Variants in HLA-F observed in about 807,000 individuals in gnomAD.
HLA-F encodes HLA class I histocompatibility antigen, alpha chain F.
HLA-F carries 46 observed loss-of-function variants against 49.5 expected under a neutral mutation model. The observed-to-expected ratio is 0.93, with a 90% CI of 0.73 to 1.19. The LOEUF (loss-of-function observed/expected upper bound fraction) is 1.19. Among genes scored for constraint, HLA-F ranks in the 50% most tolerant of loss-of-function variants. HLA-F has a pLI of 0.00. For synonymous variants in HLA-F, 203 were observed against 233.5 expected (o/e 0.87, Z 1.19); for missense variants, 496 against 579.6 (o/e 0.86, Z 1.48).
At chr6:29,733,906 C>T (rs553402611) in intron 3 of HLA-F, among the ~76,000 whole-genome samples, 61 of 152,318 alleles carry the variant, frequency 4.0e-4, no homozygotes, top group African/African-American at 1.4e-3. Flanking sequence ...ATTACCATCA[C>T]ACCTAAGACA....
At position 29,726,996 on chromosome 6, in the gene HLA-F, C is replaced by T. The variant is rs767849078; in HGVS notation, c.1150C>T (p.Arg384Cys). 8.7e-6 allele frequency: 14 copies of T among 1,613,286 alleles called. No individual in the cohort carries two copies. Among genetic ancestry groups the T allele is most frequent in the South Asian group, 1.1e-5 (1 of 91,084 alleles). ...CCTCCGGAGTCACAGTGTCTTGGGC[C>T]GCCGGAAGGTGGGTGACATGTGGAT... ...GCLRSHSVLG[R>C]RKVGDMWILF... The change falls in exon 7 of 7, where the codon CGC (arginine) becomes TGC (cysteine). Residue 384 changes from arginine (R) to cysteine (C), a missense_variant. Physicochemically the swap from Arg to Cys is radical, Grantham distance 180. Transcript: ENST00000259951.
intron 3 of HLA-F, chr6:29,735,919 C>T (rs1420828908): frequency 1.3e-5 from 2 of 152,270 alleles, no homozygotes; most frequent in Non-Finnish European, 2.9e-5. Flanking sequence ...ATTCTCCATT[C>T]TGCATGGTGA....
chr6:29,727,884 C>G (rs1212022716), downstream of HLA-F: 2 of 497,800 alleles, frequency 4.0e-6, no homozygotes, highest in Non-Finnish European at 8.0e-6. Context: ...CCCCTCCAGA[C>G]CTAGACTCCC....
chr6:29,729,221 T>C (rs1189093818), downstream of HLA-F: 1 of 152,174 alleles, frequency 6.6e-6, no homozygotes, highest in Non-Finnish European at 1.5e-5. Flanking sequence ...ATTTTAAAAT[T>C]TATAATTTTA....
chr6:29,731,264 G>C (rs112642406), downstream of HLA-F, among the ~76,000 whole-genome samples: 2 of 152,008 alleles, frequency 1.3e-5, no homozygotes, highest in Admixed American at 6.6e-5. Context: ...TAGATAGATA[G>C]ATAGATAGAT....
At chr6:29,736,507 C>T (rs764192386) in intron 3 of HLA-F, 113 of 414,380 alleles carry the variant, frequency 2.7e-4, no homozygotes, top group Non-Finnish European at 2.8e-4. Flanking sequence ...TGAAGGACAA[C>T]ATGCATGGAG....
exon 4 of HLA-F, chr6:29,738,151 A>G (rs1049765169): frequency 1.3e-5 from 2 of 152,356 alleles, no homozygotes; most frequent in Non-Finnish European, 2.9e-5. Context: ...TGTCCAGTGA[A>G]GAAACCCAGG....
In HLA-F at chr6:29,737,351, A is replaced by G. The variant is rs182531190; in HGVS notation, c.404-771A>G. 2.9e-3 allele frequency among the ~76,000 whole-genome samples: 441 copies of G among 152,326 alleles called. 2 individuals are homozygous for G. Among genetic ancestry groups the G allele is most frequent in the African/African-American group, 8.2e-3 (342 of 41,572 alleles). ...GTGCAATCTGCAAAATGCAAAGGAC[A>G]GGAAACTACCAGACAATATAAATTT... On this transcript the variant is annotated intron_variant, in intron 3 of 4. Coordinates refer to the HLA-F transcript ENST00000465459.
chr6:29,727,637 GCACATTCAT>G (rs1776233713), downstream of HLA-F, among the ~76,000 whole-genome samples: 1 of 152,120 alleles, frequency 6.6e-6, no homozygotes. Flanking sequence ...AGCTGTGACC[GCACATTCAT>G]CACATCAGGA....
chr6:29,732,986 G>C (rs7754692), intron 3 of HLA-F, among the ~76,000 whole-genome samples: 25,137 of 151,724 alleles, frequency 0.17, 2,396 homozygotes, highest in East Asian at 0.3. Context: ...TCGGGAGTTC[G>C]AGACCAGACT....
intron 3 of HLA-F, among the ~76,000 whole-genome samples, chr6:29,737,383 G>A (rs954175122): frequency 1.3e-5 from 2 of 152,092 alleles, no homozygotes; most frequent in Non-Finnish European, 2.9e-5. Context: ...ATTTCAAGCA[G>A]GAATCTATGG....
rs2127587190 is a variant in HLA-F at position 29,725,011 on chromosome 6, A to C, written c.611-20A>C. ...TCCCATGAGGAGTGCAAAGTGCCTG[A>C]ATTTTCTGACTCTTCTCAGATCCTC... On this transcript the variant is annotated intron_variant, in intron 3 of 6. Transcript: ENST00000259951. 3 of 1,609,382 alleles carry C rather than the reference A, an allele frequency of 1.9e-6. No individual in the cohort carries two copies. The highest frequency in any genetic ancestry group is 2.5e-6 in the Non-Finnish European group (3 of 1,176,956).
downstream of HLA-F, among the ~76,000 whole-genome samples, chr6:29,731,586 G>C (rs1339985963): frequency 6.6e-6 from 1 of 152,100 alleles, no homozygotes; most frequent in Non-Finnish European, 1.5e-5. Flanking sequence ...TGGGCCCCTA[G>C]GTGATTGGAT....
At chr6:29,731,026 T>C (rs1776533456), downstream of HLA-F, among the ~76,000 whole-genome samples, 1 of 152,074 alleles carries the variant, frequency 6.6e-6, no homozygotes, top group African/African-American at 2.4e-5. Context: ...AAATGTCCCA[T>C]GGTCAAGTTC....
In HLA-F at chr6:29,726,975, C is replaced by T. The variant is rs764703767; in HGVS notation, c.1129C>T (p.Arg377Trp). The change falls in exon 7 of 7, where the codon CGG (arginine) becomes TGG (tryptophan). Residue 377 changes from arginine to tryptophan, a missense_variant. Coordinates refer to ENST00000259951, the MANE Select transcript of HLA-F (RefSeq NM_001098479.2). Reference protein sequence around the residue: ...VLFQGYLGCLRSHSVLGRRKV... With the variant: ...VLFQGYLGCLWSHSVLGRRKV... ...CTTCCAAGGATATTTGGGCTGCCTCCGGAGTCACAGTGTCTTGGGCCGCCG... is the reference window on the plus strand; with the variant it reads ...CTTCCAAGGATATTTGGGCTGCCTCTGGAGTCACAGTGTCTTGGGCCGCCG... 7.4e-6 allele frequency: 12 copies of T among 1,612,972 alleles called. No individual in the cohort carries two copies. Among genetic ancestry groups the T allele is most frequent in the African/African-American group, 4.0e-5 (3 of 74,908 alleles).
At chr6:29,725,737 G>A (rs1353294604) in intron 5 of HLA-F, among the ~76,000 whole-genome samples, 174 bp downstream of exon 5, 54 of 152,214 alleles carry the variant, frequency 3.5e-4, no homozygotes, top group Non-Finnish European at 1.2e-4. Context: ...CTGTGAAAAT[G>A]AAGGACAGAT....
chr6:29,737,654 G>A (rs369116677), intron 3 of HLA-F: 1 of 152,060 alleles, frequency 6.6e-6, no homozygotes, highest in East Asian at 1.9e-4. Context: ...ATCTTTTATG[G>A]TACCCGTGGG....
downstream of HLA-F, chr6:29,727,849 C>T: frequency 2.2e-6 from 1 of 448,176 alleles, no homozygotes; most frequent in Non-Finnish European, 4.4e-6. Flanking sequence ...GTTCTGAGCT[C>T]CAGACCTTCA....
downstream of HLA-F, among the ~76,000 whole-genome samples, chr6:29,729,830 T>C (rs1388554010): frequency 2.0e-5 from 3 of 151,654 alleles, no homozygotes; most frequent in Non-Finnish European, 4.4e-5. Context: ...CAAAAATGAG[T>C]GAACAACATG....
Sources: gnomAD v4.1 joint callset for allele counts (sites outside exome capture counted in the v4.1 genomes callset) on GRCh38, gnomAD v4.1.1 for gene constraint, MANE v1.5 for transcripts, NCBI Gene and HGNC (gene_info 2026-07-23, HGNC 2026-07-21) for gene names.